Variants in FOXP1 observed in about 807,000 individuals in gnomAD.
FOXP1 encodes the protein forkhead box protein P1.
A neutral mutation model predicts 98.2 loss-of-function variants in FOXP1; 15 were observed. The ratio of observed to expected loss-of-function variants is 0.15; its 90% CI spans 0.10 to 0.24. FOXP1 has a LOEUF of 0.24. Ranked by LOEUF, FOXP1 falls within the 10% of genes least tolerant of loss-of-function variation. The pLI, the probability that FOXP1 is intolerant of heterozygous loss-of-function variation, is 1.00. For missense variants in FOXP1, 633 were observed against 848.5 expected (o/e 0.75, Z 3.15); for synonymous variants, 371 against 314.5 (o/e 1.18, Z -1.90).
intron 6 of FOXP1, among the ~76,000 whole-genome samples, chr3:71,144,587 A>T (rs1005714334): frequency 3.3e-5 from 5 of 152,190 alleles, no homozygotes; most frequent in Non-Finnish European, 7.3e-5. Context: ...AGAAAATAAA[A>T]ATGACCACAA....
At chr3:70,988,233 A>G (rs1414871919) in intron 13 of FOXP1, among the ~76,000 whole-genome samples, 156 bp from the exon 14 acceptor site, 1 of 152,242 alleles carries the variant, frequency 6.6e-6, no homozygotes, top group African/African-American at 2.4e-5. Context: ...CCATTGCCAA[A>G]CTCGAAGTAA....
At chr3:71,171,189 A>G (rs2061636662) in intron 6 of FOXP1, among the ~76,000 whole-genome samples, 1 of 152,020 alleles carries the variant, frequency 6.6e-6, no homozygotes, top group Admixed American at 6.6e-5. Flanking sequence ...TACAGGGTAA[A>G]AAGTTGGCAT....
chr3:70,989,732 C>T, intron 13 of FOXP1, among the ~76,000 whole-genome samples: 2 of 152,174 alleles, frequency 1.3e-5, no homozygotes, highest in South Asian at 4.1e-4. Flanking sequence ...GTCTGTCATG[C>T]TGAACAATAC....
intron 6 of FOXP1, among the ~76,000 whole-genome samples, chr3:71,183,418 G>A (rs2062450685): frequency 6.6e-6 from 1 of 152,154 alleles, no homozygotes; most frequent in Admixed American, 6.5e-5. Flanking sequence ...AGAATCGCTT[G>A]AACCCAGGAG....
chr3:71,462,596 A>T (rs921096995), intron 3 of FOXP1, among the ~76,000 whole-genome samples: 2 of 152,180 alleles, frequency 1.3e-5, no homozygotes, highest in African/African-American at 4.8e-5. Flanking sequence ...CTGAAATTTC[A>T]CCAGGTGTCT....
chr3:71,498,823 C>T (rs1246436644), intron 2 of FOXP1, among the ~76,000 whole-genome samples: 4 of 152,132 alleles, frequency 2.6e-5, no homozygotes, highest in Admixed American at 1.3e-4. Flanking sequence ...AGGTCCAAGA[C>T]GGGGCCTGAG....
chr3:71,342,958 G>A (rs2077100354), intron 4 of FOXP1, among the ~76,000 whole-genome samples: 1 of 152,188 alleles, frequency 6.6e-6, no homozygotes, highest in Admixed American at 6.5e-5. Context: ...TTTAATAATA[G>A]GCAATCTCTC....
At chr3:71,109,615 G>A (rs932830271) in intron 7 of FOXP1, among the ~76,000 whole-genome samples, 3 of 152,126 alleles carry the variant, frequency 2.0e-5, no homozygotes, top group South Asian at 2.1e-4. Flanking sequence ...CCACTCCGGC[G>A]GAGACGCCTC....
chr3:71,467,096 G>C (rs2088840147), intron 3 of FOXP1, among the ~76,000 whole-genome samples: 1 of 152,136 alleles, frequency 6.6e-6, no homozygotes, highest in Non-Finnish European at 1.5e-5. Flanking sequence ...TTGAGAAAAA[G>C]GAAACATTAT....
intron 3 of FOXP1, among the ~76,000 whole-genome samples, chr3:71,481,033 A>G (rs533854165): frequency 7.9e-5 from 12 of 152,318 alleles, no homozygotes; most frequent in African/African-American, 2.6e-4. Flanking sequence ...TGTGCATGAC[A>G]TATATCACTA....
chr3:71,512,536 A>G (rs1476364582), intron 2 of FOXP1, among the ~76,000 whole-genome samples: 2 of 152,254 alleles, frequency 1.3e-5, no homozygotes, highest in Non-Finnish European at 2.9e-5. Context: ...ACACTTAAGT[A>G]GTACATATTT....
chr3:71,126,198 T>C (rs1283218634), intron 6 of FOXP1, among the ~76,000 whole-genome samples: 1 of 152,088 alleles, frequency 6.6e-6, no homozygotes, highest in Non-Finnish European at 1.5e-5. Flanking sequence ...AGAAAAGAAA[T>C]TTTTGGCCGG....
In FOXP1 at chr3:71,100,701, A is replaced by G. The variant is rs183484736; in HGVS notation, c.282+11835T>C. On this transcript the variant is annotated intron_variant, in intron 7 of 20. Coordinates refer to ENST00000649528, the MANE Select transcript of FOXP1 (RefSeq NM_001349338.3). ...GGCAACACAGTACACAGTATCTGCA[A>G]TTCTGGATTTTGGGGACTCTGAACT... Among the ~76,000 whole-genome samples, 27 of 152,344 alleles carry G rather than the reference A, an allele frequency of 1.8e-4. 1 individual carries two copies. The highest frequency in any genetic ancestry group is 5.5e-4 in the African/African-American group (23 of 41,586).
At chr3:71,164,637 A>G (rs2061318101) in intron 6 of FOXP1, among the ~76,000 whole-genome samples, 1 of 152,252 alleles carries the variant, frequency 6.6e-6, no homozygotes, top group East Asian at 1.9e-4. Flanking sequence ...TAGAAAGTCT[A>G]TTCACAAAAG....
chr3:71,545,743 C>T (rs1338790286), intron 2 of FOXP1, among the ~76,000 whole-genome samples: 2 of 152,134 alleles, frequency 1.3e-5, no homozygotes, highest in East Asian at 1.9e-4. Context: ...GAACCTACAA[C>T]CCAAATATGA....
At chr3:71,262,521 C>T (rs532707940) in intron 5 of FOXP1, among the ~76,000 whole-genome samples, 1 of 151,806 alleles carries the variant, frequency 6.6e-6, no homozygotes, top group East Asian at 1.9e-4. Context: ...AGAGGCTGCC[C>T]TTTAAAAGAA....
Position 71,198,226 on chromosome 3 carries a change from G to A in FOXP1, c.156C>T (p.Ala52=), listed in dbSNP as rs1236563875. The A allele has an allele frequency of 1.2e-6, 2 of 1,613,970 alleles. No homozygotes were observed. The highest frequency in any genetic ancestry group is 1.7e-6 in the Non-Finnish European group (2 of 1,180,042). The part of the protein sequence containing the change: ...PAVDIGAADL[A]HAQQQQQQAL... The stretch of plus-strand genomic sequence containing the variant: ...CCTGTTGCTGCTGCTGCTGGGCGTG[G>A]GCGAGGTCAGCTGCCCCGATGTCCA... Residue 52 remains alanine, a synonymous_variant, in exon 6 of 21, where the codon GCC becomes GCT. Coordinates refer to ENST00000649528, the MANE Select transcript of FOXP1 (RefSeq NM_001349338.3).
intron 7 of FOXP1, among the ~76,000 whole-genome samples, chr3:71,096,237 T>C (rs2107635469): frequency 6.6e-6 from 1 of 152,330 alleles, no homozygotes; most frequent in African/African-American, 2.4e-5. Context: ...GACTTTAAGT[T>C]GGAAATGTAC....
At chr3:71,411,291 GTGTGTGTGTGTGTGTGTGTGTGTGTGTA>G (rs2082715095) in intron 3 of FOXP1, among the ~76,000 whole-genome samples, 1 of 145,334 alleles carries the variant, frequency 6.9e-6, no homozygotes, top group African/African-American at 2.6e-5. Flanking sequence ...GTGTGTGTGT[GTGTGTGTGTGTGTGTGTGTGTGTGTGTA>G]TGTGTGTGTG....
Sources: gnomAD v4.1 joint callset for allele counts (sites outside exome capture counted in the v4.1 genomes callset) on GRCh38, gnomAD v4.1.1 for gene constraint, MANE v1.5 for transcripts, NCBI Gene and HGNC (gene_info 2026-07-23, HGNC 2026-07-21) for gene names.